MCF2L2: variants seen among roughly 807,000 people sequenced by gnomAD.
MCF2L2 encodes probable guanine nucleotide exchange factor MCF2L2.
In MCF2L2, 102 loss-of-function variants were observed where a neutral mutation model predicts 150.2. That is an observed-to-expected ratio of 0.68 (90% confidence interval 0.58 to 0.80). MCF2L2 has a LOEUF of 0.80. Among genes scored for constraint, MCF2L2 ranks in the 30% least tolerant of loss-of-function variants. MCF2L2 has a pLI of 0.00. For missense variants in MCF2L2, 1,256 were observed against 1,372.8 expected, an observed-to-expected ratio of 0.91 and a Z score of 1.34; for synonymous variants, 465 against 491.3, an observed-to-expected ratio of 0.95 and a Z score of 0.71.
intron 15 of MCF2L2, among the ~76,000 whole-genome samples, chr3:183,240,569 C>G (rs1003335787): frequency 6.6e-6 from 1 of 152,202 alleles, no homozygotes; most frequent in Non-Finnish European, 1.5e-5. Context: ...AGAACTTGCC[C>G]ACAGCTGCCA....
intron 15 of MCF2L2, among the ~76,000 whole-genome samples, chr3:183,269,229 G>GTTTTTTTTTTTT (rs1305607255): frequency 1.3e-5 from 1 of 77,020 alleles, no homozygotes; most frequent in African/African-American, 1.1e-4. Context: ...CGTTTGGGAA[G>GTTTTTTTTTTTT]CTTTTTTTTT....
At chr3:183,323,183 C>T (rs538934132) in intron 6 of MCF2L2, 52 bp downstream of exon 6, 11 of 1,333,974 alleles carry the variant, frequency 8.2e-6, no homozygotes, top group East Asian at 7.3e-5. Flanking sequence ...CCCACCCCAT[C>T]TTCCAGAAAA....
intron 7 of MCF2L2, among the ~76,000 whole-genome samples, chr3:183,314,277 T>C (rs1729505547): frequency 6.6e-6 from 1 of 152,134 alleles, no homozygotes; most frequent in Non-Finnish European, 1.5e-5. Flanking sequence ...GGGAAAGAAT[T>C]TATGTTTCTG....
At chr3:183,220,696 C>A (rs187056427) in intron 20 of MCF2L2, among the ~76,000 whole-genome samples, 16 of 152,278 alleles carry the variant, frequency 1.1e-4, no homozygotes, top group Admixed American at 7.2e-4. Flanking sequence ...ACCATTTAAT[C>A]AAAAATCTTT....
intron 22 of MCF2L2, among the ~76,000 whole-genome samples, chr3:183,210,753 G>GA (rs1299962901): frequency 4.6e-5 from 7 of 152,174 alleles, no homozygotes; most frequent in African/African-American, 1.7e-4. Context: ...GCCCCAACCA[G>GA]AAATGCTGAA....
At chr3:183,384,516 T>G (rs928151085) in intron 2 of MCF2L2, among the ~76,000 whole-genome samples, 3 of 152,090 alleles carry the variant, frequency 2.0e-5, no homozygotes, top group African/African-American at 7.2e-5. Flanking sequence ...GATCAATAAA[T>G]GGGTTTACCT....
intron 15 of MCF2L2, chr3:183,272,439 A>T: frequency 1.0e-6 from 1 of 1,000,212 alleles, no homozygotes; most frequent in African/African-American, 1.7e-5. Context: ...AACAAAACGA[A>T]AAAAGATTTC....
Position 183,179,475 on chromosome 3 carries a change from C to A in MCF2L2, c.3250G>T (p.Ala1084Ser), listed in dbSNP as rs765120652. 4 of 1,604,456 alleles carry A rather than the reference C, an allele frequency of 2.5e-6. 1 individual carries two copies. The highest frequency in any genetic ancestry group is 4.5e-5 in the East Asian group (2 of 44,680). Reference sequence around the variant, plus strand: ...GCCAGCCGGCCCGTGGACGCCCCAGCGCGCTCCTCCTCGGTGCTGCGGGTC... The same window carrying A: ...GCCAGCCGGCCCGTGGACGCCCCAGAGCGCTCCTCCTCGGTGCTGCGGGTC... ...TATRSTEEER[A>S]GASTGRLAPA... The change falls in exon 30 of 30, where the codon GCT (alanine) becomes TCT (serine). Residue 1084 changes from alanine (A) to serine (S), a missense_variant. Ala to Ser is a moderately conservative substitution (Grantham distance 99). Coordinates refer to ENST00000328913, the MANE Select transcript of MCF2L2 (RefSeq NM_015078.4). The surrounding 1 kb of genome is among the most constrained non-coding windows in gnomAD (Gnocchi z 4.2).
At chr3:183,230,865 C>T (rs1396717034) in intron 16 of MCF2L2, 86 bp downstream of exon 16, 3 of 1,022,570 alleles carry the variant, frequency 2.9e-6, no homozygotes. Context: ...CTGGAGACTT[C>T]TGGCAACTAT....
At position 183,308,943 on chromosome 3, in the gene MCF2L2, A is replaced by T. The variant is rs565616912; in HGVS notation, c.1113+773T>A. Among the ~76,000 whole-genome samples the T allele has an allele frequency of 2.0e-4, 30 of 152,318 alleles. 3 individuals carry two copies. The South Asian group carries it at 6.2e-3, about 32-fold the overall frequency. ...AACCACAGGGGACTTGGTCCCCAAG[A>T]CCCAAAAATATAGAGAACCTAATTT... On this transcript the variant is annotated intron_variant, in intron 10 of 29. Transcript: ENST00000328913.
chr3:183,213,405 A>G (rs1722806638), intron 22 of MCF2L2, among the ~76,000 whole-genome samples: 1 of 152,148 alleles, frequency 6.6e-6, no homozygotes, highest in Non-Finnish European at 1.5e-5. Flanking sequence ...AAGAAAATAT[A>G]AATATCAGAA....
intron 5 of MCF2L2, among the ~76,000 whole-genome samples, chr3:183,325,355 G>A (rs1729981440): frequency 6.6e-6 from 1 of 152,064 alleles, no homozygotes; most frequent in African/African-American, 2.4e-5. Context: ...AGGCTCTGTG[G>A]GATTTGATTA....
chr3:183,411,304 C>T (rs985853862), intron 1 of MCF2L2, among the ~76,000 whole-genome samples: 3 of 152,142 alleles, frequency 2.0e-5, no homozygotes, highest in Admixed American at 2.0e-4. Flanking sequence ...ATGAGATAGT[C>T]TTCCTTTTCA....
intron 2 of MCF2L2, among the ~76,000 whole-genome samples, chr3:183,379,780 G>C (rs972397832): frequency 6.6e-6 from 1 of 152,064 alleles, no homozygotes; most frequent in Non-Finnish European, 1.5e-5. Flanking sequence ...GAGAGTTAAC[G>C]CTAAAATCAG....
At chr3:183,334,650 G>A (rs1311724159) in intron 5 of MCF2L2, among the ~76,000 whole-genome samples, 2 of 151,722 alleles carry the variant, frequency 1.3e-5, no homozygotes, top group Admixed American at 6.6e-5. Flanking sequence ...AAAATTATCC[G>A]GATGTAATGG....
intron 3 of MCF2L2, among the ~76,000 whole-genome samples, chr3:183,365,550 G>T (rs1712471124): frequency 6.6e-6 from 1 of 152,196 alleles, no homozygotes; most frequent in African/African-American, 2.4e-5. Context: ...ATGGTGTTCA[G>T]ATAACTGAAT....
At chr3:183,345,597 T>C (rs771681788) in intron 3 of MCF2L2, among the ~76,000 whole-genome samples, 2 of 152,068 alleles carry the variant, frequency 1.3e-5, no homozygotes, top group Non-Finnish European at 1.5e-5. Flanking sequence ...GATAGAGACC[T>C]GAAGAACCCT....
At chr3:183,396,872 T>C (rs1351051792) in intron 1 of MCF2L2, among the ~76,000 whole-genome samples, 2 of 152,186 alleles carry the variant, frequency 1.3e-5, no homozygotes, top group African/African-American at 2.4e-5. Context: ...GACAGATATC[T>C]GAATGATGCA....
intron 3 of MCF2L2, among the ~76,000 whole-genome samples, chr3:183,353,030 G>T (rs1711565113): frequency 6.6e-6 from 1 of 152,232 alleles, no homozygotes; most frequent in South Asian, 2.1e-4. Flanking sequence ...AGACACACAT[G>T]AAACAGATTG....
Sources: allele counts gnomAD v4.1 joint callset (sites outside exome capture counted in the v4.1 genomes callset), GRCh38; gene constraint gnomAD v4.1.1; non-coding constraint Gnocchi (gnomAD v3.1); transcripts MANE v1.5; gene names NCBI Gene and HGNC (gene_info 2026-07-23, HGNC 2026-07-21).